Variants in INTS8 observed in about 807,000 individuals in gnomAD.
The protein encoded by INTS8 is integrator complex subunit 8.
Under a neutral mutation model 138.9 loss-of-function variants are expected in INTS8, and 47 were observed. The observed-to-expected ratio is 0.34, with a 90% CI of 0.27 to 0.43. INTS8 has a LOEUF of 0.43. INTS8 is among the 20% of genes least tolerant of loss of function. The pLI, the probability that INTS8 is intolerant of heterozygous loss-of-function variation, is 1.00. For synonymous variants in INTS8, 392 were observed against 400.9 expected (o/e 0.98, Z 0.27); for missense variants, 996 against 1,173.0 (o/e 0.85, Z 2.20).
Position 94,880,153 on chromosome 8 carries a change from C to T in INTS8, c.2907C>T (p.Ser969=). The change falls in exon 27 of 27, where the codon AGC becomes AGT. Residue 969 remains serine (S), a synonymous_variant. Transcript: ENST00000523731. The part of the protein sequence containing the change: ...KAIGQTELNA[S]NPEEVLQLAA... ...TCGGCCAGACAGAGTTGAATGCAAGCAATCCAGAAGAAGTGTTACAGCTGG... is the reference window on the plus strand; with the variant it reads ...TCGGCCAGACAGAGTTGAATGCAAGTAATCCAGAAGAAGTGTTACAGCTGG... 6.2e-7 allele frequency: 1 copy of T among 1,611,562 alleles called. No homozygotes were observed.
chr8:94,838,315 G>T (rs1815008812), intron 7 of INTS8, 148 bp from the exon 8 acceptor site: 1 of 535,230 alleles, frequency 1.9e-6, no homozygotes, highest in Non-Finnish European at 3.2e-6. Flanking sequence ...CTCCCAAAGT[G>T]CTGGGATTAC....
chr8:94,840,559 G>GTTTTT (rs11395069), intron 8 of INTS8, among the ~76,000 whole-genome samples: 2 of 136,510 alleles, frequency 1.5e-5, no homozygotes, highest in African/African-American at 2.7e-5. Flanking sequence ...TTTTTAATTA[G>GTTTTT]TTTTTTTTTT....
At chr8:94,848,666 A>G (rs1313214717) in intron 10 of INTS8, among the ~76,000 whole-genome samples, 1 of 152,178 alleles carries the variant, frequency 6.6e-6, no homozygotes, top group East Asian at 1.9e-4. Flanking sequence ...GCTGAATAAT[A>G]CTTAATTGAA....
At chr8:94,830,289 A>G (rs996226703) in intron 5 of INTS8, among the ~76,000 whole-genome samples, 23 of 152,226 alleles carry the variant, frequency 1.5e-4, no homozygotes, top group African/African-American at 4.3e-4. Flanking sequence ...AACACCTACA[A>G]TGTTCCATAT....
rs1406863909 is a variant in INTS8 at position 94,881,436 on chromosome 8, T to C, written c.*1202T>C. ...TTGTAAACAAGTCCTGCTGTTTCTT[T>C]AACAGCTAACATAGGAAATAATTAA... On this transcript the variant is annotated 3_prime_UTR_variant, in exon 27 of 27. Transcript: ENST00000523731. 1.4e-5 allele frequency: 8 copies of C among 569,198 alleles called. No individual in the cohort carries two copies. In the East Asian group the frequency reaches 2.1e-4, roughly 15 times the overall value. 35.3% of individuals were successfully genotyped at this position (569,198 alleles called of 1,614,324 possible).
At chr8:94,848,501 G>A (rs953847609) in intron 10 of INTS8, among the ~76,000 whole-genome samples, 4 of 151,678 alleles carry the variant, frequency 2.6e-5, no homozygotes, top group Non-Finnish European at 4.4e-5. Context: ...CCTCAATCTC[G>A]CACCACCTGA....
rs1554616521 is a variant in INTS8 at position 94,880,837 on chromosome 8, C to CTT, written c.*604_*605dup. 1 of 398,314 alleles carries CTT rather than the reference C, an allele frequency of 2.5e-6. No homozygotes were observed. Among genetic ancestry groups the CTT allele is most frequent in the Non-Finnish European group, 4.4e-6 (1 of 225,798 alleles). The allele number at this position is 398,314 out of a possible 1,614,324, so 24.7% of individuals were successfully genotyped here. ...CTCATATAAATAGTTTGAAAGGGTA[C>CTT]TTAAGTTTTTCACCCAAATTGTGAT... On this transcript the variant is annotated 3_prime_UTR_variant, in exon 27 of 27. Transcript: ENST00000523731.
At chr8:94,827,584 T>C (rs1014115739) in intron 3 of INTS8, 138 bp from the exon 4 acceptor site, 2 of 1,010,448 alleles carry the variant, frequency 2.0e-6, no homozygotes, top group African/African-American at 3.2e-5. Flanking sequence ...CTGATAAAAA[T>C]GTGGATGACT....
chr8:94,867,491 CTTCCTGTAAATTGTGG>C, intron 20 of INTS8, 154 bp downstream of exon 20: 2 of 516,198 alleles, frequency 3.9e-6, no homozygotes, highest in Non-Finnish European at 6.9e-6. Context: ...TGATAATTAT[CTTCCTGTAAATTGTGG>C]ATAAGGCATA....
intron 1 of INTS8, among the ~76,000 whole-genome samples, chr8:94,824,557 T>G (rs982049269): frequency 6.6e-6 from 1 of 152,210 alleles, no homozygotes; most frequent in Non-Finnish European, 1.5e-5. Flanking sequence ...TATCTCATTC[T>G]TCTAATTGGC....
chr8:94,851,540 A>C lies in INTS8; in HGVS notation c.1508-13A>C, dbSNP rs745799130. ...CTTTGAATTAAATCATTGAAATATA[A>C]ATCTTTTTTTAGCTTCAGCAAGTGT... On this transcript the variant is annotated splice_polypyrimidine_tract_variant and intron_variant, in intron 12 of 26. Transcript: ENST00000523731. 2 of 1,535,406 alleles carry C rather than the reference A, an allele frequency of 1.3e-6. No homozygotes were observed. Among genetic ancestry groups the C allele is most frequent in the South Asian group, 2.5e-5 (2 of 81,534 alleles).
chr8:94,847,910 G>A (rs1815388326), intron 10 of INTS8, among the ~76,000 whole-genome samples: 1 of 151,892 alleles, frequency 6.6e-6, no homozygotes, highest in Non-Finnish European at 1.5e-5. Flanking sequence ...TTATTAGAAT[G>A]TAAGTGTATA....
intron 1 of INTS8, 51 bp downstream of exon 1, chr8:94,823,612 C>A: frequency 1.4e-6 from 2 of 1,415,584 alleles, no homozygotes; most frequent in Non-Finnish European, 9.6e-7. Flanking sequence ...CCGGCGCTGT[C>A]CGCCCAGCTT....
At chr8:94,844,026 C>CTT (rs539302253) in intron 10 of INTS8, among the ~76,000 whole-genome samples, 100 of 139,220 alleles carry the variant, frequency 7.2e-4, no homozygotes, top group South Asian at 9.0e-4. Flanking sequence ...TAGAGTTCTG[C>CTT]TTTTTTTTTT....
intron 6 of INTS8, among the ~76,000 whole-genome samples, chr8:94,834,304 T>C (rs1313719311): frequency 6.6e-6 from 1 of 152,090 alleles, no homozygotes; most frequent in Non-Finnish European, 1.5e-5. Flanking sequence ...TTGCAGTCTA[T>C]CTTTGCCTAG....
chr8:94,840,423 C>G (rs1815090932), intron 8 of INTS8, among the ~76,000 whole-genome samples: 1 of 152,204 alleles, frequency 6.6e-6, no homozygotes, highest in East Asian at 1.9e-4. Context: ...CTCTTCCATT[C>G]TTGAGAAGTA....
At chr8:94,880,086 C>A in intron 26 of INTS8, 32 bp from the exon 27 acceptor site, 2 of 1,469,248 alleles carry the variant, frequency 1.4e-6, no homozygotes, top group Non-Finnish European at 1.9e-6. Context: ...TTTTGACACA[C>A]CTCTAATAAC....
chr8:94,869,935 C>T (rs944220022), intron 20 of INTS8, among the ~76,000 whole-genome samples: 2 of 152,150 alleles, frequency 1.3e-5, no homozygotes, highest in Admixed American at 6.5e-5. Context: ...GGTTTGAGCC[C>T]CAGCCTTTTC....
chr8:94,838,398 AG>A, intron 7 of INTS8, 64 bp from the exon 8 acceptor site: 1 of 1,338,716 alleles, frequency 7.5e-7, no homozygotes, highest in South Asian at 1.3e-5. Context: ...AAACATGCTA[AG>A]GGGGTGCTAG....
Sources: gnomAD v4.1 joint callset for allele counts (sites outside exome capture counted in the v4.1 genomes callset) on GRCh38, gnomAD v4.1.1 for gene constraint, MANE v1.5 for transcripts, NCBI Gene and HGNC (gene_info 2026-07-23, HGNC 2026-07-21) for gene names.